HEMK2: variants seen among roughly 807,000 people sequenced by gnomAD.
HEMK2 encodes HemK methyltransferase 2, ETF1 glutamine and histone H4 lysine.
At chr21:28,799,131 T>C in the HEMK2 span, among the ~76,000 whole-genome samples, 1 of 151,208 alleles carries the variant, frequency 6.6e-6, no homozygotes, top group African/African-American at 2.5e-5. Context: ...TCTGTATTAG[T>C]CCATTTTTAT....
At chr21:28,765,474 C>T in the HEMK2 span, among the ~76,000 whole-genome samples, 29,412 of 152,022 alleles carry the variant, frequency 0.19, 3,227 homozygotes, top group East Asian at 0.41. Flanking sequence ...CTAAATAATA[C>T]GCTAACTATA....
chr21:28,624,217 G>A, the HEMK2 span, among the ~76,000 whole-genome samples: 1 of 152,158 alleles, frequency 6.6e-6, no homozygotes, highest in Non-Finnish European at 1.5e-5. Flanking sequence ...GAAGCACAGA[G>A]AAAAAATTAC....
the HEMK2 span, among the ~76,000 whole-genome samples, chr21:28,782,178 G>A: frequency 2.0e-5 from 3 of 152,170 alleles, no homozygotes; most frequent in Non-Finnish European, 4.4e-5. Context: ...AAGTGACAGT[G>A]ACTTTATTCC....
At chr21:28,599,813 C>A in the HEMK2 span, among the ~76,000 whole-genome samples, 1 of 152,124 alleles carries the variant, frequency 6.6e-6, no homozygotes, top group Non-Finnish European at 1.5e-5. Context: ...ATAAATACAC[C>A]CATTCCAAAT....
the HEMK2 span, among the ~76,000 whole-genome samples, chr21:28,722,777 A>G: frequency 2.6e-5 from 4 of 152,132 alleles, no homozygotes; most frequent in African/African-American, 9.7e-5. Flanking sequence ...TCAGCTACTC[A>G]GGAGGCTGAG....
At chr21:28,779,155 C>T in the HEMK2 span, among the ~76,000 whole-genome samples, 11 of 152,166 alleles carry the variant, frequency 7.2e-5, no homozygotes, top group Non-Finnish European at 1.5e-4. Flanking sequence ...GAGATAGCTT[C>T]CACTCCCACA....
the HEMK2 span, among the ~76,000 whole-genome samples, chr21:28,725,642 C>G: frequency 2.0e-5 from 3 of 152,246 alleles, no homozygotes; most frequent in Non-Finnish European, 2.9e-5. Context: ...TGTCCTGACT[C>G]AGACCCCAGT....
the HEMK2 span, among the ~76,000 whole-genome samples, chr21:28,588,450 G>A: frequency 6.6e-6 from 1 of 152,172 alleles, no homozygotes; most frequent in Non-Finnish European, 1.5e-5. Context: ...AAATTTCAAA[G>A]TTTGTCATCC....
At chr21:28,798,507 T>G in the HEMK2 span, among the ~76,000 whole-genome samples, 2 of 94,818 alleles carry the variant, frequency 2.1e-5, no homozygotes, top group African/African-American at 3.3e-5. Flanking sequence ...AGTAAGCCTG[T>G]TTTTTTTTTA....
chr21:28,698,794 A>G, the HEMK2 span, among the ~76,000 whole-genome samples: 1 of 152,224 alleles, frequency 6.6e-6, no homozygotes, highest in African/African-American at 2.4e-5. Flanking sequence ...GTTTGAACAA[A>G]GACATTTTCA....
chr21:28,858,436 GT>G, the HEMK2 span, among the ~76,000 whole-genome samples: 8 of 152,282 alleles, frequency 5.3e-5, no homozygotes, highest in African/African-American at 1.4e-4. Context: ...CTGAATTTGG[GT>G]AGTACATTTT....
At chr21:28,590,874 G>A in the HEMK2 span, among the ~76,000 whole-genome samples, 10 of 152,218 alleles carry the variant, frequency 6.6e-5, no homozygotes, top group African/African-American at 2.2e-4. Flanking sequence ...CAGCAGGCAT[G>A]CATAAGTGTA....
At chr21:28,702,309 CAA>C in the HEMK2 span, among the ~76,000 whole-genome samples, 531 of 148,086 alleles carry the variant, frequency 3.6e-3, 4 homozygotes, top group African/African-American at 0.012. Flanking sequence ...GCTATTGCAA[CAA>C]AAAAAAAAAA....
At chr21:28,855,736 G>A in the HEMK2 span, among the ~76,000 whole-genome samples, 934 of 152,302 alleles carry the variant, frequency 6.1e-3, 7 homozygotes, top group Non-Finnish European at 9.6e-3. Context: ...CAATTACATG[G>A]AAATTAAACA....
the HEMK2 span, among the ~76,000 whole-genome samples, chr21:28,587,458 T>C: frequency 6.6e-6 from 1 of 152,298 alleles, no homozygotes; most frequent in South Asian, 2.1e-4. Context: ...ATACAGAAAG[T>C]ATGTGAAATT....
chr21:28,743,295 AAAAG>A, the HEMK2 span: 4 of 152,312 alleles, frequency 2.6e-5, no homozygotes, highest in African/African-American at 9.6e-5. Flanking sequence ...TGTTTTAAAA[AAAAG>A]AGAGAGACAG....
chr21:28,845,848 G>A, the HEMK2 span, among the ~76,000 whole-genome samples: 8 of 152,036 alleles, frequency 5.3e-5, no homozygotes, highest in South Asian at 1.7e-3. Flanking sequence ...TGTTACATGG[G>A]TAAATTGTGT....
At chr21:28,788,248 A>G in the HEMK2 span, among the ~76,000 whole-genome samples, 15 of 118,948 alleles carry the variant, frequency 1.3e-4, no homozygotes, top group Admixed American at 1.1e-3. Context: ...GTATATATGT[A>G]TATATGTATA....
the HEMK2 span, among the ~76,000 whole-genome samples, chr21:28,882,526 C>T: frequency 1.3e-5 from 2 of 151,742 alleles, no homozygotes; most frequent in Non-Finnish European, 2.9e-5. Flanking sequence ...TGAAGGAGTA[C>T]TATGCAGCCA....
Sources: gnomAD v4.1 joint callset for allele counts (sites outside exome capture counted in the v4.1 genomes callset) on GRCh38, gnomAD v4.1.1 for gene constraint, MANE v1.5 for transcripts, NCBI Gene and HGNC (gene_info 2026-07-23, HGNC 2026-07-21) for gene names.